MARCHF1: variants seen among roughly 807,000 people sequenced by gnomAD.
MARCHF1 encodes E3 ubiquitin-protein ligase MARCHF1.
In MARCHF1, 40 loss-of-function variants were observed where a neutral mutation model predicts 54.2. The observed-to-expected ratio is 0.74, with a 90% CI of 0.57 to 0.96. MARCHF1 has a LOEUF of 0.96. MARCHF1 is among the 40% of genes least tolerant of loss of function. The pLI is 0.00. For synonymous variants in MARCHF1, 236 were observed against 236.3 expected, an observed-to-expected ratio of 1.00 and a Z score of 0.01; for missense variants, 586 against 656.5, an observed-to-expected ratio of 0.89 and a Z score of 1.17.
intron 4 of MARCHF1, among the ~76,000 whole-genome samples, chr4:163,835,399 G>A (rs541603167): frequency 2.0e-5 from 3 of 152,260 alleles, no homozygotes; most frequent in Admixed American, 2.0e-4. Flanking sequence ...TTTAAGTTTG[G>A]CCTGAAGGTT....
chr4:163,557,976 C>G (rs1417559126), intron 8 of MARCHF1, among the ~76,000 whole-genome samples: 3 of 152,140 alleles, frequency 2.0e-5, no homozygotes, highest in Non-Finnish European at 4.4e-5. Context: ...CATCTCCTTT[C>G]TATTGAAGAA....
At chr4:163,696,313 A>T (rs1038953641) in intron 5 of MARCHF1, among the ~76,000 whole-genome samples, 7 of 152,134 alleles carry the variant, frequency 4.6e-5, no homozygotes, top group Non-Finnish European at 1.0e-4. Flanking sequence ...CCATGTTTGG[A>T]ATTTTTTACT....
rs199798814 is a variant in MARCHF1, at chr4:164,107,958, TTTC to T, written c.-248+3627_-248+3629del. Among the ~76,000 whole-genome samples the T allele has an allele frequency of 5.8e-3, 883 of 152,238 alleles. 13 individuals carry two copies. Among genetic ancestry groups the T allele is most frequent in the African/African-American group, 0.02 (837 of 41,538 alleles). ...TACCCCCTCCACCTCCTCCATCCTC[TTTC>T]TTAAGTTTTATATTTCCATTCATCA... On this transcript the variant is annotated intron_variant, in intron 2 of 9. Transcript: ENST00000514618.
At chr4:164,084,388 T>C (rs1755156069) in intron 2 of MARCHF1, among the ~76,000 whole-genome samples, 1 of 151,904 alleles carries the variant, frequency 6.6e-6, no homozygotes, top group East Asian at 1.9e-4. Context: ...AGAATTGCAT[T>C]TTCATGTTTT....
At chr4:164,050,275 C>CAAAAAAAAAAAAAAAAAAA (rs34642436) in intron 2 of MARCHF1, among the ~76,000 whole-genome samples, 3 of 40,194 alleles carry the variant, frequency 7.5e-5, no homozygotes, top group Admixed American at 4.9e-4. Flanking sequence ...ACACTGTCTC[C>CAAAAAAAAAAAAAAAAAAA]AAAAAAAAAA....
intron 2 of MARCHF1, among the ~76,000 whole-genome samples, chr4:163,992,603 T>C (rs966698348): frequency 5.1e-4 from 77 of 151,784 alleles, no homozygotes; most frequent in East Asian, 1.9e-4. Flanking sequence ...TTAAATAACA[T>C]AGAAAATTTG....
intron 2 of MARCHF1, among the ~76,000 whole-genome samples, chr4:163,992,651 T>C (rs1427346820): frequency 6.6e-6 from 1 of 151,188 alleles, no homozygotes; most frequent in East Asian, 1.9e-4. Context: ...TATATAGTTA[T>C]TAGGATCACC....
chr4:163,638,361 G>T (rs1198550675), intron 5 of MARCHF1, among the ~76,000 whole-genome samples: 1 of 152,036 alleles, frequency 6.6e-6, no homozygotes, highest in Admixed American at 6.6e-5. Flanking sequence ...CATCGTCTTG[G>T]TGATGAGTGA....
intron 1 of MARCHF1, among the ~76,000 whole-genome samples, chr4:164,247,399 T>C (rs1479084986): frequency 1.7e-4 from 26 of 149,926 alleles, no homozygotes; most frequent in Middle Eastern, 3.4e-3. Context: ...TAGGTGGGAA[T>C]TGAACAATGA....
At chr4:163,941,531 T>C (rs1346865612) in intron 3 of MARCHF1, among the ~76,000 whole-genome samples, 7 of 152,144 alleles carry the variant, frequency 4.6e-5, no homozygotes, top group Non-Finnish European at 1.0e-4. Context: ...CCTGCTTTCA[T>C]ATCCTTGCCT....
chr4:164,039,717 T>C (rs1754084320), intron 2 of MARCHF1, among the ~76,000 whole-genome samples: 5 of 152,026 alleles, frequency 3.3e-5, no homozygotes, highest in Admixed American at 2.6e-4. Flanking sequence ...CTTTCTATTG[T>C]AGTACAATGC....
Position 164,238,850 on chromosome 4 carries a change from T to C in MARCHF1, c.-322-127188A>G, listed in dbSNP as rs1178941679. The stretch of plus-strand genomic sequence containing the variant: ...TTAATCAGGTCATTTTGGATGAAAC[T>C]ATTTTTAAAATGTCTTATGTATTTC... On this transcript the variant is annotated intron_variant, in intron 1 of 9. Coordinates refer to ENST00000514618, the MANE Select transcript of MARCHF1 (RefSeq NM_001394959.1). Among the ~76,000 whole-genome samples the C allele has an allele frequency of 3.3e-5, 5 of 152,046 alleles. No individual in the cohort carries two copies. The East Asian group carries it at 9.6e-4, about 29-fold the overall frequency.
intron 2 of MARCHF1, among the ~76,000 whole-genome samples, chr4:163,998,970 A>G (rs1753133304): frequency 6.6e-6 from 1 of 151,746 alleles, no homozygotes; most frequent in Non-Finnish European, 1.5e-5. Context: ...ATATATAGCA[A>G]ATAGATTGCT....
rs6148763 is a variant in MARCHF1, at chr4:163,904,763, A to G, written c.-38-50594T>C. On this transcript the variant is annotated intron_variant, in intron 3 of 9. Coordinates refer to ENST00000514618, the MANE Select transcript of MARCHF1 (RefSeq NM_001394959.1). ...TTCAGTATGGTTTCCAGGAGAGAGA[A>G]AGAGACAGAGACAGAGACAGAGAGA... Among the ~76,000 whole-genome samples, 328 of 151,574 alleles carry G rather than the reference A, an allele frequency of 2.2e-3. 3 individuals are homozygous for G. The East Asian group carries it at 0.04, about 18-fold the overall frequency.
At chr4:164,382,425 G>A (rs1055034341) in intron 1 of MARCHF1, among the ~76,000 whole-genome samples, 2 of 152,132 alleles carry the variant, frequency 1.3e-5, no homozygotes, top group African/African-American at 4.8e-5. Context: ...TATGTTAGAT[G>A]CTGGGATACC....
At chr4:164,077,080 T>A (rs1199708384) in intron 2 of MARCHF1, among the ~76,000 whole-genome samples, 2 of 152,072 alleles carry the variant, frequency 1.3e-5, no homozygotes, top group Non-Finnish European at 2.9e-5. Flanking sequence ...CAGACAATCC[T>A]AAGGAAAAAG....
At chr4:164,361,690 G>T (rs895449231) in intron 1 of MARCHF1, among the ~76,000 whole-genome samples, 3 of 152,002 alleles carry the variant, frequency 2.0e-5, no homozygotes. Context: ...TTATTGTAGC[G>T]TAATCAATAT....
intron 1 of MARCHF1, chr4:164,190,245 G>T (rs1731089619): frequency 8.0e-7 from 1 of 1,243,906 alleles, no homozygotes; most frequent in East Asian, 2.3e-5. Context: ...GGAACTGGAA[G>T]AAATTGTTCA....
At chr4:164,316,760 G>A (rs1316040125) in intron 1 of MARCHF1, among the ~76,000 whole-genome samples, 1 of 152,184 alleles carries the variant, frequency 6.6e-6, no homozygotes, top group East Asian at 1.9e-4. Flanking sequence ...TGGGTGGAAG[G>A]AGATTGGAAC....
Sources: gnomAD v4.1 joint callset for allele counts (sites outside exome capture counted in the v4.1 genomes callset) on GRCh38, gnomAD v4.1.1 for gene constraint, MANE v1.5 for transcripts, NCBI Gene and HGNC (gene_info 2026-07-23, HGNC 2026-07-21) for gene names.